The following ARHGEF7 variants were observed in gnomAD, a reference collection of about 807,000 sequenced individuals.
The protein encoded by ARHGEF7 is Rho guanine nucleotide exchange factor 7.
Under a neutral mutation model 109.8 loss-of-function variants are expected in ARHGEF7, and 33 were observed. The observed-to-expected ratio is 0.30, with a 90% confidence interval of 0.23 to 0.40. The LOEUF (loss-of-function observed/expected upper bound fraction) is 0.40. Ranked by LOEUF, ARHGEF7 falls within the 10% of genes least tolerant of loss-of-function variation. ARHGEF7 has a pLI of 1.00. For missense variants in ARHGEF7, 938 were observed against 1,098.5 expected (o/e 0.85, Z 2.07); for synonymous variants, 458 against 424.6 (o/e 1.08, Z -0.97).
intron 1 of ARHGEF7, among the ~76,000 whole-genome samples, chr13:111,120,537 C>T (rs557790464): frequency 1.6e-4 from 24 of 152,114 alleles, no homozygotes; most frequent in African/African-American, 4.8e-4. Context: ...ACACGTCTGA[C>T]GGGGGTTGAG....
intron 5 of ARHGEF7, among the ~76,000 whole-genome samples, chr13:111,227,881 A>G (rs968034772): frequency 6.6e-6 from 1 of 152,190 alleles, no homozygotes; most frequent in African/African-American, 2.4e-5. Flanking sequence ...ATCCTCCCAC[A>G]TTCTGCCTTT....
At chr13:111,195,481 CG>C (rs1566780078) in intron 2 of ARHGEF7, among the ~76,000 whole-genome samples, 1 of 152,166 alleles carries the variant, frequency 6.6e-6, no homozygotes, top group South Asian at 2.1e-4. Flanking sequence ...TGAGGATAGT[CG>C]TCCAGGACTG....
chr13:111,148,927 A>AT (rs755170434), intron 1 of ARHGEF7, among the ~76,000 whole-genome samples: 2 of 152,374 alleles, frequency 1.3e-5, no homozygotes, highest in African/African-American at 2.4e-5. Context: ...GAGTTAAGAT[A>AT]TATCATGACA....
At chr13:111,257,556 C>A (rs2090578800) in intron 8 of ARHGEF7, among the ~76,000 whole-genome samples, 1 of 152,232 alleles carries the variant, frequency 6.6e-6, no homozygotes, top group African/African-American at 2.4e-5. Flanking sequence ...CACTGATTGT[C>A]CTCCCCACAG....
chr13:111,238,439 A>G (rs79354009), intron 6 of ARHGEF7, among the ~76,000 whole-genome samples: 1 of 152,216 alleles, frequency 6.6e-6, no homozygotes, highest in Non-Finnish European at 1.5e-5. Flanking sequence ...TATTAAGAAG[A>G]GTATTTAAGA....
rs539562167 is a variant in ARHGEF7 at position 111,245,351 on chromosome 13, C to T, written c.950+1057C>T. On this transcript the variant is annotated intron_variant, in intron 8 of 21. Transcript: ENST00000646102. ...TGGTTGTCGTATAAGAACCACTTTT[C>T]GGCGTATGTCACAATCTGATTGAGA... Among the ~76,000 whole-genome samples the T allele has an allele frequency of 2.8e-4, 43 of 152,124 alleles. No individual in the cohort carries two copies. In the South Asian group the frequency reaches 6.7e-3, roughly 24 times the overall value.
chr13:111,258,403 T>C lies in ARHGEF7; in HGVS notation c.951-9145T>C, dbSNP rs1338881109. Among the ~76,000 whole-genome samples, 1 of 152,262 alleles carries C rather than the reference T, an allele frequency of 6.6e-6. No individual in the cohort carries two copies. The highest frequency in any genetic ancestry group is 1.9e-4 in the East Asian group (1 of 5,200). ...AGACGGCTTTGTCTTGCAGCTTGGA[T>C]ACCAGCTCAGCCACAGCAGGATAGA... On this transcript the variant is annotated intron_variant, in intron 8 of 21. Transcript: ENST00000646102. This position sits in a 1 kb window ranked among gnomAD's most constrained non-coding sequence, Gnocchi z 4.4.
At chr13:111,251,977 CTT>C (rs982489476) in intron 8 of ARHGEF7, among the ~76,000 whole-genome samples, 14 of 152,328 alleles carry the variant, frequency 9.2e-5, no homozygotes, top group African/African-American at 3.1e-4. Flanking sequence ...AAAGGGATCT[CTT>C]TGTCTGTGGT....
At chr13:111,261,463 A>G (rs2153575575) in intron 8 of ARHGEF7, among the ~76,000 whole-genome samples, 1 of 152,336 alleles carries the variant, frequency 6.6e-6, no homozygotes, top group East Asian at 1.9e-4. Flanking sequence ...GATAATATAA[A>G]GCAAGTATTA....
chr13:111,274,004 T>C (rs1318382065), intron 10 of ARHGEF7, 52 bp downstream of exon 10: 4 of 1,590,794 alleles, frequency 2.5e-6, no homozygotes, highest in East Asian at 2.3e-5. Context: ...GTTAGTGGCA[T>C]GGTCAGACTT....
chr13:111,241,256 G>A (rs1352807467), intron 6 of ARHGEF7: 1 of 1,536,094 alleles, frequency 6.5e-7, no homozygotes, highest in Non-Finnish European at 8.7e-7. Flanking sequence ...GTGGGATGGA[G>A]CTGTGGCGTC....
intron 8 of ARHGEF7, among the ~76,000 whole-genome samples, chr13:111,250,911 C>A (rs555576945): frequency 6.6e-6 from 1 of 152,336 alleles, no homozygotes; most frequent in East Asian, 1.9e-4. Flanking sequence ...GGGTGCAGCA[C>A]CTCCGTGCTT....
At chr13:111,289,982 A>G (rs573195550) in intron 18 of ARHGEF7, among the ~76,000 whole-genome samples, 1 of 152,358 alleles carries the variant, frequency 6.6e-6, no homozygotes, top group Admixed American at 6.5e-5. Flanking sequence ...TGGGTAACCC[A>G]TCAGAAGGTG....
intron 8 of ARHGEF7, among the ~76,000 whole-genome samples, chr13:111,249,528 G>A (rs778431795): frequency 8.1e-4 from 123 of 152,170 alleles, no homozygotes; most frequent in African/African-American, 2.8e-3. Flanking sequence ...CAGTAAGCCT[G>A]CATTTTACAC....
chr13:111,246,883 A>G (rs940275775), intron 8 of ARHGEF7, among the ~76,000 whole-genome samples: 3 of 152,230 alleles, frequency 2.0e-5, no homozygotes, highest in Admixed American at 2.0e-4. Flanking sequence ...TCTGTTGGGC[A>G]TTATATCAGC....
intron 2 of ARHGEF7, chr13:111,182,068 G>A (rs1357025335): frequency 6.6e-6 from 1 of 152,202 alleles, no homozygotes; most frequent in Non-Finnish European, 1.5e-5. Flanking sequence ...AGAGGAAGCT[G>A]GGAGGGTTTT....
intron 8 of ARHGEF7, among the ~76,000 whole-genome samples, chr13:111,251,626 CAG>C (rs1418486105): frequency 6.6e-6 from 1 of 152,198 alleles, no homozygotes; most frequent in Admixed American, 6.5e-5. Flanking sequence ...TATAATCATT[CAG>C]TGGTAATTTT....
chr13:111,177,006 C>G (rs1342803192), intron 2 of ARHGEF7, among the ~76,000 whole-genome samples: 1 of 152,284 alleles, frequency 6.6e-6, no homozygotes, highest in African/African-American at 2.4e-5. Flanking sequence ...ATCCACCCGC[C>G]TTGGCCTCCC....
At chr13:111,282,736 T>TGG (rs895696959) in intron 15 of ARHGEF7, 21 of 228,026 alleles carry the variant, frequency 9.2e-5, no homozygotes, top group African/African-American at 4.6e-4. Flanking sequence ...AATACGTGGC[T>TGG]GGGGGGGAAT....
Sources: gnomAD v4.1 joint callset for allele counts (sites outside exome capture counted in the v4.1 genomes callset) on GRCh38, gnomAD v4.1.1 for gene constraint, Gnocchi (gnomAD v3.1) non-coding constraint, MANE v1.5 for transcripts, NCBI Gene and HGNC (gene_info 2026-07-23, HGNC 2026-07-21) for gene names.